Variants in ANO2 observed in about 807,000 individuals in gnomAD.
ANO2 encodes anoctamin 2, also known as anoctamin-2.
Under a neutral mutation model 124.2 loss-of-function variants are expected in ANO2, and 101 were observed. That is an observed-to-expected ratio of 0.81 (90% CI 0.69 to 0.96). The LOEUF (loss-of-function observed/expected upper bound fraction) is 0.96, where lower values mean the gene tolerates loss of function less well. Ranked by LOEUF, ANO2 falls within the 40% of genes least tolerant of loss-of-function variation. ANO2 has a pLI of 0.00. For missense variants in ANO2, 1,293 were observed against 1,274.5 expected, an observed-to-expected ratio of 1.01 and a Z score of -0.22; for synonymous variants, 486 against 482.5, an observed-to-expected ratio of 1.01 and a Z score of -0.09.
intron 4 of ANO2, among the ~76,000 whole-genome samples, chr12:5,853,392 C>T (rs1056365140): frequency 3.3e-5 from 5 of 151,762 alleles, no homozygotes; most frequent in African/African-American, 1.2e-4. Context: ...TGGCTGTCAA[C>T]CCAGATGTGC....
intron 14 of ANO2, among the ~76,000 whole-genome samples, chr12:5,659,994 C>G (rs1228182774): frequency 6.6e-6 from 1 of 152,164 alleles, no homozygotes. Flanking sequence ...AGTCGTCATC[C>G]CTCTCTGAGC....
intron 10 of ANO2, among the ~76,000 whole-genome samples, chr12:5,784,954 A>G (rs1168494911): frequency 6.6e-6 from 1 of 152,224 alleles, no homozygotes; most frequent in Non-Finnish European, 1.5e-5. Flanking sequence ...CCCCGAGTTC[A>G]GGGGCATCTG....
chr12:5,785,269 A>G (rs556518115), intron 10 of ANO2, among the ~76,000 whole-genome samples: 1 of 152,252 alleles, frequency 6.6e-6, no homozygotes, highest in East Asian at 1.9e-4. Flanking sequence ...GGAGAAGGAA[A>G]AAGTTCAAGA....
intron 14 of ANO2, among the ~76,000 whole-genome samples, chr12:5,660,051 C>G (rs1199242569): frequency 1.3e-5 from 2 of 152,198 alleles, no homozygotes; most frequent in African/African-American, 2.4e-5. Flanking sequence ...TATCAGCAAC[C>G]TCCATTAGTA....
intron 12 of ANO2, chr12:5,740,014 A>C: frequency 2.2e-6 from 1 of 455,472 alleles, no homozygotes; most frequent in South Asian, 1.6e-5. Flanking sequence ...AAATAGTTGT[A>C]GAATGCCTGC....
intron 4 of ANO2, among the ~76,000 whole-genome samples, chr12:5,848,619 C>T (rs1163641821): frequency 6.6e-6 from 1 of 152,210 alleles, no homozygotes; most frequent in Non-Finnish European, 1.5e-5. Flanking sequence ...GCTTTCCCAG[C>T]AACTGCACCG....
At chr12:5,851,877 T>A in intron 4 of ANO2, 1 of 709,100 alleles carries the variant, frequency 1.4e-6, no homozygotes. Context: ...GGACACACTT[T>A]TCCTGTGTCT....
At chr12:5,695,917 C>A (rs1228870106) in intron 14 of ANO2, among the ~76,000 whole-genome samples, 2 of 152,144 alleles carry the variant, frequency 1.3e-5, no homozygotes, top group Admixed American at 6.5e-5. Context: ...GATATGAGGG[C>A]AGGCTTTTTG....
intron 7 of ANO2, among the ~76,000 whole-genome samples, chr12:5,816,051 G>A (rs1374416349): frequency 1.3e-5 from 2 of 152,004 alleles, no homozygotes; most frequent in African/African-American, 4.8e-5. Flanking sequence ...TAAGTTGGTT[G>A]CAAAAGAAAT....
chr12:5,768,397 C>T (rs1324106981), intron 10 of ANO2, among the ~76,000 whole-genome samples: 8 of 152,162 alleles, frequency 5.3e-5, no homozygotes, highest in Non-Finnish European at 1.2e-4. Flanking sequence ...TCTTCCTTTC[C>T]CTAGGGGCAA....
chr12:5,807,284 G>C lies in ANO2; in HGVS notation c.948+29C>G, dbSNP rs1463078439. ...GGTTTTCAAAGTTTTGAAGACTACA[G>C]AGAGCACGCTGATGAAAATAGTACT... On this transcript the variant is annotated intron_variant, in intron 8 of 24. Coordinates refer to ENST00000682330, the MANE Select transcript of ANO2 (RefSeq NM_001364791.2). The C allele has an allele frequency of 1.9e-6, 3 of 1,544,462 alleles. No individual in the cohort carries two copies. In the Admixed American group the frequency reaches 6.0e-5, roughly 31 times the overall value.
chr12:5,923,095 C>CAT lies in ANO2; in HGVS notation c.23-292_23-291insAT, dbSNP rs1491142194. ...ACATGCACACATACACACACACACGCACACACATACACACACATGCACGCA... is the reference window on the plus strand; with the variant it reads ...ACATGCACACATACACACACACACGCATACACACATACACACACATGCACGCA... On this transcript the variant is annotated intron_variant, in intron 1 of 24. Transcript: ENST00000682330. Among the ~76,000 whole-genome samples the CAT allele has an allele frequency of 6.5e-4, 8 of 12,310 alleles. 1 individual carries two copies. The highest frequency in any genetic ancestry group is 7.9e-4 in the African/African-American group (7 of 8,862). The allele number at this position is 12,310 out of a possible 152,430, so 8.1% of individuals were successfully genotyped here. A position where few individuals can be genotyped will look rare whatever the true frequency, so the allele number is the denominator to read the frequency against.
rs1467532018 is a variant in ANO2, at chr12:5,900,278, A to C, written c.534+20762T>G. ...TCTGGCTCAAGGTAAAGAGTGAGGA[A>C]AAATGCAGGCAGGCTGAGACTTACT... On this transcript the variant is annotated intron_variant, in intron 3 of 24. Coordinates refer to ENST00000682330, the MANE Select transcript of ANO2 (RefSeq NM_001364791.2). This position sits in a 1 kb window ranked among gnomAD's most constrained non-coding sequence, Gnocchi z 4.2. Among the ~76,000 whole-genome samples the C allele has an allele frequency of 1.3e-5, 2 of 152,212 alleles. No homozygotes were observed. The highest frequency in any genetic ancestry group is 1.3e-4 in the Admixed American group (2 of 15,280).
chr12:5,821,151 C>A (rs976777816), intron 7 of ANO2, among the ~76,000 whole-genome samples: 2 of 152,130 alleles, frequency 1.3e-5, no homozygotes, highest in African/African-American at 4.8e-5. Flanking sequence ...AGCAAACACA[C>A]CAGACTTATG....
intron 14 of ANO2, among the ~76,000 whole-genome samples, chr12:5,665,674 C>T (rs1947668294): frequency 6.6e-6 from 1 of 152,070 alleles, no homozygotes; most frequent in Non-Finnish European, 1.5e-5. Context: ...CAGCCTGCCC[C>T]ACATTCCAGT....
chr12:5,590,231 G>C (rs7312488), intron 20 of ANO2, among the ~76,000 whole-genome samples: 29,143 of 151,952 alleles, frequency 0.19, 2,947 homozygotes, highest in Non-Finnish European at 0.22. Flanking sequence ...TTGCTCATCA[G>C]CTATCATTAG....
At chr12:5,794,739 C>T (rs1371818242) in intron 10 of ANO2, among the ~76,000 whole-genome samples, 1 of 152,226 alleles carries the variant, frequency 6.6e-6, no homozygotes, top group Non-Finnish European at 1.5e-5. Context: ...GCTCTCCCTT[C>T]ATCGTTGTTG....
chr12:5,686,837 G>A (rs796216108), intron 14 of ANO2, among the ~76,000 whole-genome samples: 7 of 152,346 alleles, frequency 4.6e-5, no homozygotes, highest in African/African-American at 1.7e-4. Context: ...ACAGACAATG[G>A]AAACACTATG....
chr12:5,610,671 G>A (rs1944477243), intron 19 of ANO2, among the ~76,000 whole-genome samples: 1 of 133,750 alleles, frequency 7.5e-6, no homozygotes, highest in Non-Finnish European at 1.6e-5. Context: ...AGGGTCTTGG[G>A]GCATGTCAGG....
Sources: gnomAD v4.1 joint callset for allele counts (sites outside exome capture counted in the v4.1 genomes callset) on GRCh38, gnomAD v4.1.1 for gene constraint, Gnocchi (gnomAD v3.1) non-coding constraint, MANE v1.5 for transcripts, NCBI Gene and HGNC (gene_info 2026-07-23, HGNC 2026-07-21) for gene names.